The following MALRD1 variants were observed in gnomAD, a reference collection of about 807,000 sequenced individuals.
MALRD1 encodes the protein MAM and LDL receptor class A domain containing 1.
A neutral mutation model predicts 242.1 loss-of-function variants in MALRD1; 247 were observed. The ratio of observed to expected loss-of-function variants is 1.02; its 90% confidence interval spans 0.92 to 1.13. The LOEUF is 1.13. MALRD1 is among the 50% of genes most tolerant of loss of function. The pLI is 0.00. For missense variants in MALRD1, 2,989 were observed against 2,533.1 expected (o/e 1.18, Z -3.86); for synonymous variants, 995 against 866.6 (o/e 1.15, Z -2.60).
chr10:19,112,298 C>A (rs1041550477), intron 5 of MALRD1, among the ~76,000 whole-genome samples: 1 of 150,998 alleles, frequency 6.6e-6, no homozygotes, highest in Non-Finnish European at 1.5e-5. Context: ...TAGTCTCATG[C>A]AATCCTGGTG....
At chr10:19,206,717 A>G (rs754371889) in intron 17 of MALRD1, among the ~76,000 whole-genome samples, 6 of 152,212 alleles carry the variant, frequency 3.9e-5, no homozygotes, top group Non-Finnish European at 5.9e-5. Flanking sequence ...TTCCTGAAAT[A>G]TATTGAGAGA....
intron 29 of MALRD1, among the ~76,000 whole-genome samples, chr10:19,485,279 C>T (rs951903788): frequency 6.6e-6 from 1 of 152,186 alleles, no homozygotes; most frequent in Non-Finnish European, 1.5e-5. Flanking sequence ...TAGACTTTAT[C>T]GCTGTACAAT....
At chr10:19,536,525 A>C (rs1001235774) in intron 32 of MALRD1, among the ~76,000 whole-genome samples, 1 of 151,946 alleles carries the variant, frequency 6.6e-6, no homozygotes, top group Non-Finnish European at 1.5e-5. Context: ...CTGATTTCTC[A>C]TCTCTTTCGT....
At chr10:19,718,002 A>AAATG (rs1554830164) in intron 38 of MALRD1, among the ~76,000 whole-genome samples, 1 of 117,494 alleles carries the variant, frequency 8.5e-6, no homozygotes, top group African/African-American at 3.5e-5. Context: ...GATTCTACCT[A>AAATG]AATAAATAAA....
At position 19,450,419 on chromosome 10, in the gene MALRD1, A is replaced by T; in HGVS notation, c.4958A>T (p.Gln1653Leu). Residue 1653 changes from glutamine (Q) to leucine (L), a missense_variant, in exon 29 of 40, where the codon CAA becomes CTA. Gln to Leu is a moderately radical substitution (Grantham distance 113). Transcript: ENST00000454679. Reference protein sequence around the residue: ...GKLRNFEVIFQGIRTRDLGGG... With the variant: ...GKLRNFEVIFLGIRTRDLGGG... ...TTAAGGAATTTTGAAGTCATATTTC[A>T]AGGTATCAGAACAAGGGACCTGGGA... 1 of 1,550,626 alleles carries T rather than the reference A, an allele frequency of 6.4e-7. No individual in the cohort carries two copies. Among genetic ancestry groups the T allele is most frequent in the Non-Finnish European group, 8.7e-7 (1 of 1,146,966 alleles).
Position 19,347,784 on chromosome 10 carries a change from G to A in MALRD1, c.3915G>A (p.Gly1305=). ...AATATTTTCCAGGTACCTCCAGTGG[G>A]CGCTGTGATTTCGAATTTGATCTTT... ...ETTFICRTSS[G]RCDFEFDLCS... Residue 1305 remains glycine (G), a synonymous_variant, in exon 25 of 40, where the codon GGG becomes GGA. Coordinates refer to ENST00000454679, the MANE Select transcript of MALRD1 (RefSeq NM_001142308.3). The A allele has an allele frequency of 1.9e-6, 3 of 1,550,378 alleles. No homozygotes were observed. Among genetic ancestry groups the A allele is most frequent in the Non-Finnish European group, 2.6e-6 (3 of 1,146,824 alleles).
chr10:19,313,810 A>G (rs7068694), intron 21 of MALRD1, among the ~76,000 whole-genome samples: 87,513 of 151,226 alleles, frequency 0.58, 25,504 homozygotes, highest in Non-Finnish European at 0.6. Context: ...GTCATACAAT[A>G]TTGAAACAGG....
chr10:19,655,621 T>A (rs1841119513), intron 36 of MALRD1, among the ~76,000 whole-genome samples: 1 of 148,278 alleles, frequency 6.7e-6, no homozygotes, highest in Admixed American at 6.8e-5. Context: ...ATAACATAAT[T>A]GCTTTGTGAG....
intron 26 of MALRD1, among the ~76,000 whole-genome samples, chr10:19,354,118 T>C (rs1844519347): frequency 6.6e-6 from 1 of 152,140 alleles, no homozygotes; most frequent in Non-Finnish European, 1.5e-5. Flanking sequence ...CCAATCTTGT[T>C]GGGGATTTTA....
Position 19,123,520 on chromosome 10 carries a change from G to A in MALRD1, c.723G>A (p.Leu241=). Residue 241 remains leucine (L), a synonymous_variant, in exon 6 of 40, where the codon TTG becomes TTA. Coordinates refer to ENST00000454679, the MANE Select transcript of MALRD1 (RefSeq NM_001142308.3). ...GAATTTTACTGTGTCAAGAAGCATT[G>A]AATGCTGAGCGGGAGCTATGCCATC... ...NDGILLCQEA[L]NAERELCHPD... The A allele has an allele frequency of 8.1e-7, 1 of 1,233,682 alleles. No individual in the cohort carries two copies. The highest frequency in any genetic ancestry group is 1.0e-6 in the Non-Finnish European group (1 of 987,978). 76.4% of individuals were successfully genotyped at this position (1,233,682 alleles called of 1,614,324 possible). A position where few individuals can be genotyped will look rare whatever the true frequency, so the allele number is the denominator to read the frequency against.
chr10:19,117,118 GAA>G (rs1366899588), intron 5 of MALRD1, among the ~76,000 whole-genome samples: 1 of 150,240 alleles, frequency 6.7e-6, no homozygotes, highest in Non-Finnish European at 1.5e-5. Flanking sequence ...AAAGAAGAAA[GAA>G]AGAGTGAGAG....
intron 21 of MALRD1, among the ~76,000 whole-genome samples, chr10:19,302,360 A>G (rs1841988323): frequency 6.6e-6 from 1 of 151,804 alleles, no homozygotes; most frequent in African/African-American, 2.4e-5. Context: ...CATTATTCAT[A>G]ATAGATAAAA....
At chr10:19,445,140 A>G (rs1414043999) in intron 28 of MALRD1, among the ~76,000 whole-genome samples, 4 of 152,180 alleles carry the variant, frequency 2.6e-5, no homozygotes, top group Admixed American at 6.5e-5. Context: ...CTCTCGTGCC[A>G]TGATTTTCAG....
intron 26 of MALRD1, among the ~76,000 whole-genome samples, chr10:19,385,134 C>T (rs1846023247): frequency 6.6e-6 from 1 of 151,738 alleles, no homozygotes; most frequent in Non-Finnish European, 1.5e-5. Flanking sequence ...ATGTATGATC[C>T]TCTTAAAGTG....
intron 32 of MALRD1, among the ~76,000 whole-genome samples, chr10:19,548,500 T>A (rs1461416350): frequency 1.3e-5 from 2 of 152,196 alleles, no homozygotes; most frequent in Non-Finnish European, 2.9e-5. Flanking sequence ...TTTGGCAAGA[T>A]GTGACTGGCC....
At chr10:19,606,602 A>T (rs920739618) in intron 34 of MALRD1, among the ~76,000 whole-genome samples, 1 of 152,228 alleles carries the variant, frequency 6.6e-6, no homozygotes, top group East Asian at 1.9e-4. Context: ...TCATGCTTTG[A>T]CACATTCCCT....
intron 36 of MALRD1, among the ~76,000 whole-genome samples, chr10:19,677,402 T>A (rs1264888036): frequency 6.6e-6 from 1 of 152,228 alleles, no homozygotes; most frequent in Non-Finnish European, 1.5e-5. Context: ...TTTGCATTTT[T>A]CTAATGATCA....
chr10:19,328,691 A>C (rs939232703), intron 23 of MALRD1, among the ~76,000 whole-genome samples: 7 of 152,176 alleles, frequency 4.6e-5, no homozygotes, highest in African/African-American at 1.7e-4. Flanking sequence ...TGATAGGTGT[A>C]GTAAATCCCA....
chr10:19,656,439 ATAAG>A (rs934325084), intron 36 of MALRD1, among the ~76,000 whole-genome samples: 65 of 152,194 alleles, frequency 4.3e-4, no homozygotes, highest in African/African-American at 1.5e-3. Context: ...AATTCTATAA[ATAAG>A]TGTTTTTCTT....
Sources: gnomAD v4.1 joint callset for allele counts (sites outside exome capture counted in the v4.1 genomes callset) on GRCh38, gnomAD v4.1.1 for gene constraint, MANE v1.5 for transcripts, NCBI Gene and HGNC (gene_info 2026-07-23, HGNC 2026-07-21) for gene names.